CHRNB4: variants seen among roughly 807,000 people sequenced by gnomAD.
CHRNB4 encodes the protein neuronal acetylcholine receptor subunit beta-4.
Under a neutral mutation model 40.4 loss-of-function variants are expected in CHRNB4, and 23 were observed. The observed-to-expected ratio is 0.57, with a 90% confidence interval of 0.41 to 0.81. CHRNB4 has a LOEUF of 0.81. Among genes scored for constraint, CHRNB4 ranks in the 30% least tolerant of loss-of-function variants. The pLI, the probability that CHRNB4 is intolerant of heterozygous loss-of-function variation, is 0.00. For synonymous variants in CHRNB4, 285 were observed against 274.4 expected, an observed-to-expected ratio of 1.04 and a Z score of -0.38; for missense variants, 568 against 670.6, an observed-to-expected ratio of 0.85 and a Z score of 1.69.
At chr15:78,644,954 T>C (rs2054110992), upstream of CHRNB4, among the ~76,000 whole-genome samples, 1 of 152,144 alleles carries the variant, frequency 6.6e-6, no homozygotes, top group African/African-American at 2.4e-5. Context: ...CCTTTTCATT[T>C]CCTGAATTTC....
intron 6 of CHRNB4, among the ~76,000 whole-genome samples, chr15:78,651,100 G>T (rs1291863979): frequency 6.6e-6 from 1 of 152,056 alleles, no homozygotes; most frequent in Non-Finnish European, 1.5e-5. Flanking sequence ...ACAGGAGCTG[G>T]CCCAAGTTCC....
At chr15:78,642,421 G>A (rs772782904), upstream of CHRNB4, among the ~76,000 whole-genome samples, 15 of 152,258 alleles carry the variant, frequency 9.9e-5, no homozygotes, top group Non-Finnish European at 2.2e-4. Context: ...AGGCTGAAGA[G>A]CCTGGAGCCT....
chr15:78,631,448 A>C, intron 2 of CHRNB4, 116 bp from the exon 3 acceptor site: 2 of 933,754 alleles, frequency 2.1e-6, no homozygotes, highest in South Asian at 1.5e-5. Context: ...CTGCCACCCC[A>C]ACATCTCTTG....
upstream of CHRNB4, among the ~76,000 whole-genome samples, chr15:78,645,428 G>C (rs1315295845): frequency 6.6e-6 from 1 of 151,982 alleles, no homozygotes; most frequent in African/African-American, 2.4e-5. Flanking sequence ...TCTACTTCAG[G>C]ACAGTCATTT....
chr15:78,658,028 C>CTTTTTTTTTT (rs71448810), intron 2 of CHRNB4, among the ~76,000 whole-genome samples: 9 of 90,508 alleles, frequency 9.9e-5, no homozygotes, highest in South Asian at 4.5e-4. Context: ...TCTTGTTTCT[C>CTTTTTTTTTT]TTTTTTTTTT....
chr15:78,646,821 CA>C (rs1383667041), intron 7 of CHRNB4, among the ~76,000 whole-genome samples: 1 of 152,166 alleles, frequency 6.6e-6, no homozygotes, highest in African/African-American at 2.4e-5. Flanking sequence ...CAATCCATAA[CA>C]AGTAGAAAGT....
chr15:78,630,164 G>T (rs1159169642), intron 4 of CHRNB4, among the ~76,000 whole-genome samples: 3 of 144,990 alleles, frequency 2.1e-5, no homozygotes, highest in Non-Finnish European at 4.5e-5. Context: ...TTTTGAGACA[G>T]ACTCTTGCTC....
At chr15:78,658,392 G>A (rs2054230693) in intron 1 of CHRNB4, 1 of 152,082 alleles carries the variant, frequency 6.6e-6, no homozygotes, top group African/African-American at 2.4e-5. Flanking sequence ...GATAATAAAT[G>A]TTTGAATGAA....
chr15:78,655,705 G>A (rs1394673776), intron 4 of CHRNB4: 1 of 151,770 alleles, frequency 6.6e-6, no homozygotes, highest in East Asian at 1.9e-4. Context: ...GTTACTCTAG[G>A]TCCTGTCCAT....
intron 2 of CHRNB4, among the ~76,000 whole-genome samples, chr15:78,632,167 CTT>C (rs776661404): frequency 8.5e-6 from 1 of 118,036 alleles, no homozygotes; most frequent in African/African-American, 2.9e-5. Context: ...CTTTTCTTTT[CTT>C]TCTCTTTCTT....
chr15:78,649,128 G>A (rs962305449), intron 7 of CHRNB4, among the ~76,000 whole-genome samples: 1 of 152,122 alleles, frequency 6.6e-6, no homozygotes, highest in Non-Finnish European at 1.5e-5. Flanking sequence ...TAAAGATGTG[G>A]AACAGCAGGA....
chr15:78,636,894 C>T (rs917738231), intron 1 of CHRNB4, among the ~76,000 whole-genome samples: 4 of 152,358 alleles, frequency 2.6e-5, no homozygotes, highest in Non-Finnish European at 4.4e-5. Flanking sequence ...CGGTTCCTGA[C>T]ACCAGAGCAC....
In CHRNB4 at chr15:78,641,126, C is replaced by A; in HGVS notation, c.8G>T (p.Arg3Leu). 1 of 1,568,958 alleles carries A rather than the reference C, an allele frequency of 6.4e-7. No individual in the cohort carries two copies. The highest frequency in any genetic ancestry group is 8.6e-7 in the Non-Finnish European group (1 of 1,158,818). The change falls in exon 1 of 6, where the codon CGC becomes CTC. Residue 3 changes from arginine (R) to leucine (L), a missense_variant. Physicochemically the swap from Arg to Leu is moderately radical, Grantham distance 102. Transcript: ENST00000261751. ...GAAGAAAAGGACCAGGGAAGGCGCG[C>A]GCCTCATGGCCGGCGGGGCCGGGTG... is the stretch of plus-strand genomic sequence containing the variant. MR[R>L]APSLVLFFLV...
intron 4 of CHRNB4, among the ~76,000 whole-genome samples, chr15:78,630,287 C>T (rs965785990): frequency 4.6e-5 from 7 of 152,022 alleles, no homozygotes; most frequent in African/African-American, 1.7e-4. Flanking sequence ...TACAGGCATG[C>T]GCCACCACGC....
intron 5 of CHRNB4, among the ~76,000 whole-genome samples, chr15:78,655,194 C>T (rs1210165223): frequency 6.6e-6 from 1 of 151,786 alleles, no homozygotes; most frequent in Non-Finnish European, 1.5e-5. Flanking sequence ...TTTGTATGAA[C>T]ACAATTATAC....
At chr15:78,631,373 G>T (rs746645899) in intron 2 of CHRNB4, 41 bp from the exon 3 acceptor site, 1 of 1,601,250 alleles carries the variant, frequency 6.2e-7, no homozygotes, top group Admixed American at 1.7e-5. Flanking sequence ...CAGGAAGGAG[G>T]AGCCTCACAA....
upstream of CHRNB4, among the ~76,000 whole-genome samples, chr15:78,643,319 G>C (rs112912595): frequency 0.063 from 9,653 of 152,020 alleles, 1,000 homozygotes; most frequent in African/African-American, 0.21. Flanking sequence ...GTGGGATCTT[G>C]GCTCACTGCA....
intron 5 of CHRNB4, chr15:78,626,264 A>C (rs2141359015): frequency 6.6e-6 from 1 of 152,424 alleles, no homozygotes; most frequent in East Asian, 1.9e-4. Context: ...AAGACTCAGC[A>C]GGCACACACA....
chr15:78,632,121 C>T lies in CHRNB4; in HGVS notation c.205-789G>A, dbSNP rs1455218981. On this transcript the variant is annotated intron_variant, in intron 2 of 5. Coordinates refer to ENST00000261751, the MANE Select transcript of CHRNB4 (RefSeq NM_000750.5). ...CATAAAATAGCACCTCGGTCCCTGCCCTGCCTTCTCTTTTTCTTTCTTTCT... is the reference window on the plus strand; with the variant it reads ...CATAAAATAGCACCTCGGTCCCTGCTCTGCCTTCTCTTTTTCTTTCTTTCT... Among the ~76,000 whole-genome samples the T allele has an allele frequency of 2.0e-5, 3 of 151,658 alleles. 1 individual carries two copies. Among genetic ancestry groups the T allele is most frequent in the Non-Finnish European group, 4.4e-5 (3 of 67,974 alleles).
Sources: gnomAD v4.1 joint callset for allele counts (sites outside exome capture counted in the v4.1 genomes callset) on GRCh38, gnomAD v4.1.1 for gene constraint, MANE v1.5 for transcripts, NCBI Gene and HGNC (gene_info 2026-07-23, HGNC 2026-07-21) for gene names.